The following MAGI2 variants were observed in gnomAD, a reference collection of about 807,000 sequenced individuals.
MAGI2 encodes membrane associated guanylate kinase, WW and PDZ domain containing 2, also known as membrane-associated guanylate kinase, WW and PDZ domain-containing protein 2.
A neutral mutation model predicts 133.3 loss-of-function variants in MAGI2; 35 were observed. That is an observed-to-expected ratio of 0.26 (90% CI 0.20 to 0.35). The LOEUF (loss-of-function observed/expected upper bound fraction) is 0.35, where lower values mean the gene tolerates loss of function less well. Ranked by LOEUF, MAGI2 falls within the 10% of genes least tolerant of loss-of-function variation. The probability of loss-of-function intolerance (pLI) is 1.00; values close to 1 mark genes in which losing one functional copy is unlikely to be tolerated. For missense variants in MAGI2, 1,636 were observed against 1,863.4 expected, an observed-to-expected ratio of 0.88 and a Z score of 2.25; for synonymous variants, 729 against 710.6, an observed-to-expected ratio of 1.03 and a Z score of -0.41.
At chr7:78,561,195 T>A (rs1800367803) in intron 3 of MAGI2, among the ~76,000 whole-genome samples, 1 of 151,604 alleles carries the variant, frequency 6.6e-6, no homozygotes, top group African/African-American at 2.4e-5. Context: ...GAGCTGGAGG[T>A]CTCTGTGAAA....
rs1016342955 is a variant in MAGI2 at position 78,017,332 on chromosome 7, G to C, written c.*1983C>G. 1 of 152,654 alleles carries C rather than the reference G, an allele frequency of 6.6e-6. No individual in the cohort carries two copies. The highest frequency in any genetic ancestry group is 2.4e-5 in the African/African-American group (1 of 41,462). 9.5% of individuals were successfully genotyped at this position (152,654 alleles called of 1,614,324 possible). ...CTGTCTTCACAGGTTATGGATTACA[G>C]CCGCATAAAGCAATTACTGCACAAG... On this transcript the variant is annotated 3_prime_UTR_variant, in exon 22 of 22. Transcript: ENST00000354212.
At chr7:79,244,118 G>A (rs1489133335) in intron 1 of MAGI2, among the ~76,000 whole-genome samples, 1 of 152,184 alleles carries the variant, frequency 6.6e-6, no homozygotes, top group Non-Finnish European at 1.5e-5. Flanking sequence ...GGCTCTCCAT[G>A]AGGTCTTTGT....
intron 1 of MAGI2, among the ~76,000 whole-genome samples, chr7:79,446,518 CT>C (rs1848863900): frequency 6.6e-6 from 1 of 151,746 alleles, no homozygotes; most frequent in South Asian, 2.1e-4. Flanking sequence ...GGCATAAAAC[CT>C]CATAAGGATT....
intron 16 of MAGI2, among the ~76,000 whole-genome samples, chr7:78,154,670 T>G (rs1824214231): frequency 1.3e-5 from 2 of 152,098 alleles, no homozygotes; most frequent in Admixed American, 6.5e-5. Flanking sequence ...CATAACCTCC[T>G]GACAAGTGAC....
intron 1 of MAGI2, among the ~76,000 whole-genome samples, chr7:79,196,223 A>AAT (rs1828068399): frequency 6.6e-6 from 1 of 151,900 alleles, no homozygotes; most frequent in African/African-American, 2.4e-5. Context: ...TCAATTTAAA[A>AAT]ATAAATAAAA....
chr7:78,614,209 CAT>C (rs1260504984), intron 3 of MAGI2, among the ~76,000 whole-genome samples: 2 of 149,094 alleles, frequency 1.3e-5, no homozygotes, highest in East Asian at 2.0e-4. Flanking sequence ...CAACTAAAAA[CAT>C]AGGCTTTGAA....
intron 16 of MAGI2, among the ~76,000 whole-genome samples, chr7:78,157,567 C>T (rs547459542): frequency 1.3e-5 from 2 of 152,274 alleles, no homozygotes; most frequent in South Asian, 4.1e-4. Flanking sequence ...AGAAATAAGG[C>T]TGTTATACTT....
chr7:79,170,831 A>T (rs1275335430), intron 1 of MAGI2, among the ~76,000 whole-genome samples: 1 of 152,126 alleles, frequency 6.6e-6, no homozygotes, highest in Non-Finnish European at 1.5e-5. Context: ...ATTAAAATAA[A>T]ACTCATGGAA....
At chr7:78,518,514 G>A (rs955556793) in intron 4 of MAGI2, 3 of 152,100 alleles carry the variant, frequency 2.0e-5, no homozygotes, top group African/African-American at 7.2e-5. Context: ...CTAAAGCATG[G>A]TAAGCATTCA....
intron 1 of MAGI2, chr7:79,125,210 A>C (rs779830758): frequency 6.7e-5 from 26 of 388,356 alleles, no homozygotes; most frequent in African/African-American, 5.4e-4. Context: ...GATTCTGTGG[A>C]TAAGACTGTC....
intron 2 of MAGI2, among the ~76,000 whole-genome samples, chr7:78,938,418 A>G (rs1046890999): frequency 2.0e-5 from 3 of 152,140 alleles, no homozygotes; most frequent in Admixed American, 6.6e-5. Context: ...TTAGTTATGT[A>G]GTATGTCCTA....
At chr7:78,697,393 T>C (rs1174873729) in intron 2 of MAGI2, among the ~76,000 whole-genome samples, 1 of 152,202 alleles carries the variant, frequency 6.6e-6, no homozygotes, top group African/African-American at 2.4e-5. Flanking sequence ...TTAAATACTT[T>C]AAACTTTTGA....
intron 21 of MAGI2, among the ~76,000 whole-genome samples, chr7:78,068,788 A>G (rs2151156162): frequency 6.6e-6 from 1 of 152,252 alleles, no homozygotes; most frequent in Non-Finnish European, 1.5e-5. Flanking sequence ...TGGTGATGGC[A>G]ATTGGTTGGA....
chr7:78,725,725 G>C (rs1274349179), intron 2 of MAGI2, among the ~76,000 whole-genome samples: 5 of 152,230 alleles, frequency 3.3e-5, no homozygotes, highest in Non-Finnish European at 7.3e-5. Context: ...CGGGAACCTG[G>C]GAGGTGGAGC....
At chr7:79,017,548 C>T (rs1482013730) in intron 1 of MAGI2, among the ~76,000 whole-genome samples, 1 of 152,198 alleles carries the variant, frequency 6.6e-6, no homozygotes, top group Non-Finnish European at 1.5e-5. Context: ...CTCCAAATGA[C>T]CACACTAGTT....
At chr7:78,907,042 T>C (rs1798046714) in intron 2 of MAGI2, among the ~76,000 whole-genome samples, 1 of 152,168 alleles carries the variant, frequency 6.6e-6, no homozygotes, top group African/African-American at 2.4e-5. Context: ...GAAATCATTA[T>C]TGCTGAAGTT....
intron 5 of MAGI2, among the ~76,000 whole-genome samples, chr7:78,491,710 A>T (rs1324373209): frequency 6.6e-6 from 1 of 152,076 alleles, no homozygotes; most frequent in Non-Finnish European, 1.5e-5. Context: ...GCATGTCAAT[A>T]TAAGCTAGCT....
Position 78,609,613 on chromosome 7 carries a change from T to C in MAGI2, c.538+17507A>G, listed in dbSNP as rs563719727. Among the ~76,000 whole-genome samples, 3 of 152,288 alleles carry C rather than the reference T, an allele frequency of 2.0e-5. No individual in the cohort carries two copies. The East Asian group carries it at 5.8e-4, about 29-fold the overall frequency. On this transcript the variant is annotated intron_variant, in intron 3 of 21. Transcript: ENST00000354212. ...GGTTCTGCAGCTGCTTACCTGGTCA[T>C]AGCTGTTATTGATGACTACCTTCTT...
At chr7:78,976,713 C>A (rs1320999218) in intron 2 of MAGI2, among the ~76,000 whole-genome samples, 1 of 146,916 alleles carries the variant, frequency 6.8e-6, no homozygotes, top group African/African-American at 2.5e-5. Context: ...AAAAAAACTA[C>A]AAAAAAAAAA....
Sources: allele counts gnomAD v4.1 joint callset (sites outside exome capture counted in the v4.1 genomes callset), GRCh38; gene constraint gnomAD v4.1.1; transcripts MANE v1.5; gene names NCBI Gene and HGNC (gene_info 2026-07-23, HGNC 2026-07-21).